Variants in MYCBP2 observed in about 807,000 individuals in gnomAD.
MYCBP2 encodes E3 ubiquitin-protein ligase MYCBP2.
A neutral mutation model predicts 525.3 loss-of-function variants in MYCBP2; 120 were observed. The ratio of observed to expected loss-of-function variants is 0.23; its 90% CI spans 0.20 to 0.27. MYCBP2 has a LOEUF of 0.27. Among genes scored for constraint, MYCBP2 ranks in the 10% least tolerant of loss-of-function variants. MYCBP2 has a pLI of 1.00. For synonymous variants in MYCBP2, 1,894 were observed against 1,955.8 expected (o/e 0.97, Z 0.83); for missense variants, 4,149 against 5,657.1 (o/e 0.73, Z 8.55).
intron 21 of MYCBP2, among the ~76,000 whole-genome samples, chr13:77,215,269 C>T (rs1295543210): frequency 2.6e-5 from 4 of 152,018 alleles, no homozygotes; most frequent in African/African-American, 9.7e-5. Context: ...TCACAATTTC[C>T]ACTGAAAGGA....
Position 77,051,118 on chromosome 13 carries a change from G to A in MYCBP2, c.13800C>T (p.Arg4600=). ...HGTDFLEYKC[R]YCCSVAVFFC... is the part of the protein sequence containing the mutation. ...AAAAAACAGCCACTGAACAGCAGTA[G>A]CGACATTTATATTCCAAAAAGTCTG... Residue 4600 remains arginine (R), a synonymous_variant, in exon 82 of 83, where the codon CGC becomes CGT. Coordinates refer to ENST00000544440, the MANE Select transcript of MYCBP2 (RefSeq NM_015057.5). 1 of 1,612,748 alleles carries A rather than the reference G, an allele frequency of 6.2e-7. No homozygotes were observed. The highest frequency in any genetic ancestry group is 1.3e-5 in the African/African-American group (1 of 74,844).
At chr13:77,153,181 C>G (rs1405332957) in intron 46 of MYCBP2, among the ~76,000 whole-genome samples, 1 of 151,982 alleles carries the variant, frequency 6.6e-6, no homozygotes, top group East Asian at 1.9e-4. Flanking sequence ...ACACTGGGTG[C>G]AGGAACCCAA....
At chr13:77,150,694 G>A (rs1468808174) in intron 47 of MYCBP2, 40 bp downstream of exon 47, 1 of 1,563,106 alleles carries the variant, frequency 6.4e-7, no homozygotes, top group African/African-American at 1.4e-5. Flanking sequence ...ATAAACAAAT[G>A]CTGAAAACTA....
At chr13:77,241,102 T>C (rs1339143196) in intron 17 of MYCBP2, among the ~76,000 whole-genome samples, 5 of 152,048 alleles carry the variant, frequency 3.3e-5, no homozygotes, top group African/African-American at 2.4e-5. Flanking sequence ...AATATTTAGC[T>C]AGTGGAGGAT....
At position 77,141,496 on chromosome 13, in the gene MYCBP2, C is replaced by T. The variant is rs563599213; in HGVS notation, c.7304-553G>A. 9.9e-5 allele frequency among the ~76,000 whole-genome samples: 15 copies of T among 152,180 alleles called. No homozygotes were observed. In the East Asian group the frequency reaches 1.9e-3, roughly 20 times the overall value. On this transcript the variant is annotated intron_variant, in intron 49 of 82. Transcript: ENST00000544440. ...GACGTAAAATGTACAAGGGGCCAGG[C>T]GCAGTGGTTCACAATTGTAATCCCA... is the stretch of plus-strand genomic sequence containing the variant.
intron 60 of MYCBP2, among the ~76,000 whole-genome samples, chr13:77,089,382 T>G (rs980010030): frequency 2.0e-5 from 3 of 152,186 alleles, no homozygotes. Context: ...GAAACATTTC[T>G]TAACAGGAGG....
chr13:77,291,477 G>T (rs1396712881), intron 2 of MYCBP2, among the ~76,000 whole-genome samples: 3 of 152,156 alleles, frequency 2.0e-5, no homozygotes, highest in Non-Finnish European at 4.4e-5. Context: ...TTCTTAAAAA[G>T]CTAAATGTAC....
At position 77,326,369 on chromosome 13, in the gene MYCBP2, G is replaced by A. The variant is rs529534139; in HGVS notation, c.302+105C>T. On this transcript the variant is annotated intron_variant, in intron 1 of 82. Transcript: ENST00000544440. This position sits in a 1 kb window ranked among gnomAD's most constrained non-coding sequence, Gnocchi z 4.2. ...AGAGCGGACTGAAAGCTCAATAAAT[G>A]CGCAGGTACACACACGCAAGCACAC... 7 of 1,139,832 alleles carry A rather than the reference G, an allele frequency of 6.1e-6. No individual in the cohort carries two copies. The East Asian group carries it at 1.7e-4, about 28-fold the overall frequency. The allele number at this position is 1,139,832 out of a possible 1,614,324, so 70.6% of individuals were successfully genotyped here.
Position 77,224,443 on chromosome 13 carries a change from G to A in MYCBP2, c.2939+8C>T, listed in dbSNP as rs1285442182. 6.4e-7 allele frequency: 1 copy of A among 1,571,440 alleles called. No homozygotes were observed. Among genetic ancestry groups the A allele is most frequent in the African/African-American group, 1.4e-5 (1 of 73,888 alleles). On this transcript the variant is annotated splice_region_variant and intron_variant, in intron 20 of 82. Transcript: ENST00000544440. ...CTCTGGATCTTCAAATGAAAAGTTA[G>A]CAAGTACCTGGAGTTGACATCTCCA...
At chr13:77,214,016 G>A (rs1252808889) in intron 21 of MYCBP2, among the ~76,000 whole-genome samples, 1 of 140,550 alleles carries the variant, frequency 7.1e-6, no homozygotes, top group Admixed American at 7.2e-5. Context: ...AAAAAGCACA[G>A]GGAAACACAT....
At chr13:77,197,076 T>C (rs1025407444) in intron 26 of MYCBP2, among the ~76,000 whole-genome samples, 5 of 152,080 alleles carry the variant, frequency 3.3e-5, no homozygotes, top group Admixed American at 6.5e-5. Context: ...AAGAGCTCAA[T>C]TGGGTTAAAT....
chr13:77,067,901 A>G, intron 70 of MYCBP2, 37 bp from the exon 71 acceptor site: 1 of 1,551,966 alleles, frequency 6.4e-7, no homozygotes. Flanking sequence ...TTCCATGTAA[A>G]GACTAATGTT....
chr13:77,161,960 T>A lies in MYCBP2; in HGVS notation c.6548-5A>T, dbSNP rs1212786568. On this transcript the variant is annotated splice_region_variant and splice_polypyrimidine_tract_variant and intron_variant, in intron 43 of 82. Coordinates refer to ENST00000544440, the MANE Select transcript of MYCBP2 (RefSeq NM_015057.5). The stretch of plus-strand genomic sequence containing the variant: ...GGTCTTCTTCTAATTCATTACCTGT[T>A]GTGTAAATAAAGAGTTTTACTAAAA... 1 of 1,595,054 alleles carries A rather than the reference T, an allele frequency of 6.3e-7. No homozygotes were observed. Among genetic ancestry groups the A allele is most frequent in the East Asian group, 2.3e-5 (1 of 44,414 alleles).
chr13:77,250,458 C>A (rs193172126), intron 15 of MYCBP2, among the ~76,000 whole-genome samples: 1 of 152,106 alleles, frequency 6.6e-6, no homozygotes, highest in African/African-American at 2.4e-5. Flanking sequence ...CCCAAATCAG[C>A]CAATTATTAC....
At chr13:77,294,182 TAAAATGCCAGCTAAATGGCA>T (rs1375226242) in intron 2 of MYCBP2, among the ~76,000 whole-genome samples, 1 of 120,796 alleles carries the variant, frequency 8.3e-6, no homozygotes, top group Non-Finnish European at 1.8e-5. Flanking sequence ...ATAAAGTAGA[TAAAATGCCAGCTAAATGGCA>T]TTTTAAAAAT....
Position 77,223,482 on chromosome 13 carries a change from C to T in MYCBP2, c.2939+969G>A, listed in dbSNP as rs921272085. ...ACTAATAAAGATGGATTTTCTATTA[C>T]TTTTGACCAAAAGTATTCTGACTGC... On this transcript the variant is annotated intron_variant, in intron 20 of 82. Coordinates refer to ENST00000544440, the MANE Select transcript of MYCBP2 (RefSeq NM_015057.5). 5.3e-5 allele frequency among the ~76,000 whole-genome samples: 8 copies of T among 152,188 alleles called. 1 individual carries two copies.
At chr13:77,120,038 G>T (rs1294188813) in intron 55 of MYCBP2, among the ~76,000 whole-genome samples, 2 of 152,060 alleles carry the variant, frequency 1.3e-5, no homozygotes, top group East Asian at 3.8e-4. Context: ...AAATTATAAT[G>T]ACTGATTTAC....
intron 46 of MYCBP2, among the ~76,000 whole-genome samples, chr13:77,152,510 C>T (rs938763776): frequency 7.9e-5 from 12 of 152,286 alleles, no homozygotes; most frequent in African/African-American, 1.9e-4. Flanking sequence ...CCTTGTATTC[C>T]GCCTAAATGT....
chr13:77,190,332 A>C lies in MYCBP2; in HGVS notation c.4074T>G (p.Val1358=), dbSNP rs1179453664. The C allele has an allele frequency of 1.9e-6, 3 of 1,597,768 alleles. No homozygotes were observed. The highest frequency in any genetic ancestry group is 2.6e-6 in the Non-Finnish European group (3 of 1,167,442). Residue 1358 remains valine, a synonymous_variant, in exon 29 of 83, where the codon GTT becomes GTG. Coordinates refer to ENST00000544440, the MANE Select transcript of MYCBP2 (RefSeq NM_015057.5). ...TCTTTGAACTCTTGAACTGGAAAAC[A>C]ACCCTAAGAAGAGAAAACAATGATA... is the stretch of plus-strand genomic sequence containing the variant. ...GQASITTDDG[V]VFQFKSSKKS... is the part of the protein sequence containing the mutation.
Sources: allele counts gnomAD v4.1 joint callset (sites outside exome capture counted in the v4.1 genomes callset), GRCh38; gene constraint gnomAD v4.1.1; non-coding constraint Gnocchi (gnomAD v3.1); transcripts MANE v1.5; gene names NCBI Gene and HGNC (gene_info 2026-07-23, HGNC 2026-07-21).